ATP13A4: variants seen among roughly 807,000 people sequenced by gnomAD.
ATP13A4 encodes the protein ATPase 13A4, also known as probable cation-transporting ATPase 13A4.
Under a neutral mutation model 142.5 loss-of-function variants are expected in ATP13A4, and 114 were observed. The ratio of observed to expected loss-of-function variants is 0.80; its 90% CI spans 0.69 to 0.93. The LOEUF is 0.93. Among genes scored for constraint, ATP13A4 ranks in the 40% least tolerant of loss-of-function variants. The pLI is 0.00. For missense variants in ATP13A4, 1,392 were observed against 1,454.0 expected (o/e 0.96, Z 0.69); for synonymous variants, 488 against 514.8 (o/e 0.95, Z 0.70).
rs575273664 is a variant in ATP13A4 at position 193,412,754 on chromosome 3, C to G, written c.3015-383G>C. On this transcript the variant is annotated intron_variant, in intron 26 of 29. Transcript: ENST00000342695. Reference sequence around the variant, plus strand: ...GGCTTAATATCTCTGATAATTTGGCCAAGTGTGGTGGCTTACACCTGTAAT... The same window carrying G: ...GGCTTAATATCTCTGATAATTTGGCGAAGTGTGGTGGCTTACACCTGTAAT... Among the ~76,000 whole-genome samples, 7 of 151,900 alleles carry G rather than the reference C, an allele frequency of 4.6e-5. No homozygotes were observed. In the South Asian group the frequency reaches 1.5e-3, roughly 32 times the overall value.
intron 1 of ATP13A4, among the ~76,000 whole-genome samples, chr3:193,532,742 T>C (rs1252954419): frequency 6.6e-6 from 1 of 152,210 alleles, no homozygotes; most frequent in Admixed American, 6.5e-5. Flanking sequence ...ATGAAAATTC[T>C]GTAGATATTT....
intron 13 of ATP13A4, among the ~76,000 whole-genome samples, 166 bp from the exon 14 acceptor site, chr3:193,459,397 A>G (rs541894087): frequency 1.3e-5 from 2 of 152,184 alleles, no homozygotes; most frequent in Non-Finnish European, 1.5e-5. Flanking sequence ...CAGCCAAGTA[A>G]GTTCACTGAG....
chr3:193,489,923 T>C, intron 6 of ATP13A4, 59 bp from the exon 7 acceptor site: 1 of 1,537,596 alleles, frequency 6.5e-7, no homozygotes, highest in Non-Finnish European at 9.0e-7. Flanking sequence ...ACTCTGCTCT[T>C]CATTTACTTG....
intron 27 of ATP13A4, among the ~76,000 whole-genome samples, chr3:193,411,539 T>G (rs779810868): frequency 1.3e-5 from 2 of 151,774 alleles, no homozygotes; most frequent in Non-Finnish European, 2.9e-5. Flanking sequence ...AACAAATAAA[T>G]TTTTATGAAA....
chr3:193,535,024 C>T (rs1454323137), intron 1 of ATP13A4, among the ~76,000 whole-genome samples: 1 of 152,108 alleles, frequency 6.6e-6, no homozygotes. Flanking sequence ...TTTGAATGAC[C>T]TGCCTCAGCC....
chr3:193,459,595 G>A lies in ATP13A4; in HGVS notation c.1524-364C>T, dbSNP rs1717835751. On this transcript the variant is annotated intron_variant, in intron 13 of 29. Transcript: ENST00000342695. ...TGGAATTACAGGCAGCCACCACCAT[G>A]TCAGGCTAATTTTTTGTATTTTTAG... 1.3e-5 allele frequency among the ~76,000 whole-genome samples: 2 copies of A among 152,108 alleles called. 1 individual carries two copies. The highest frequency in any genetic ancestry group is 4.8e-5 in the African/African-American group (2 of 41,412).
rs1220688977 is a variant in ATP13A4 at position 193,400,717 on chromosome 3, T to C, written c.*1935A>G. Among the ~76,000 whole-genome samples, 2 of 31,390 alleles carry C rather than the reference T, an allele frequency of 6.4e-5. No homozygotes were observed. Among genetic ancestry groups the C allele is most frequent in the African/African-American group, 1.1e-4 (1 of 8,806 alleles). 20.6% of individuals were successfully genotyped at this position (31,390 alleles called of 152,430 possible). ...CCTTCCTTGTTCAGTCATGGGACAA[T>C]TGGTACCATTCAGGTGAGTTAGTGG... On this transcript the variant is annotated 3_prime_UTR_variant, in exon 30 of 30. Coordinates refer to ENST00000342695, the MANE Select transcript of ATP13A4 (RefSeq NM_032279.4).
chr3:193,463,424 T>TA (rs11336311), intron 12 of ATP13A4, among the ~76,000 whole-genome samples: 2,701 of 95,900 alleles, frequency 0.028, 49 homozygotes, highest in African/African-American at 0.065. Flanking sequence ...TGCTATTTGG[T>TA]AAAAAAAAAA....
chr3:193,587,557 G>C (rs1051354510), intron 1 of ATP13A4, among the ~76,000 whole-genome samples: 2 of 152,094 alleles, frequency 1.3e-5, no homozygotes, highest in Non-Finnish European at 2.9e-5. Context: ...AAGTTCCAAG[G>C]ATTAAGATCT....
At chr3:193,574,792 A>G (rs1724359296) in intron 2 of ATP13A4, among the ~76,000 whole-genome samples, 1 of 152,186 alleles carries the variant, frequency 6.6e-6, no homozygotes, top group Non-Finnish European at 1.5e-5. Flanking sequence ...TGTGTTGAAA[A>G]GGAGTGTGTG....
intron 2 of ATP13A4, among the ~76,000 whole-genome samples, chr3:193,570,252 G>T (rs186612181): frequency 3.4e-4 from 52 of 152,312 alleles, no homozygotes; most frequent in African/African-American, 7.0e-4. Context: ...GGTCGAGGCT[G>T]CAGTGAGCTG....
At chr3:193,526,304 T>C (rs1416322331) in intron 1 of ATP13A4, among the ~76,000 whole-genome samples, 2 of 152,094 alleles carry the variant, frequency 1.3e-5, no homozygotes, top group African/African-American at 2.4e-5. Context: ...GGCAGGGACA[T>C]GGATAAAGCT....
intron 25 of ATP13A4, among the ~76,000 whole-genome samples, chr3:193,425,868 T>A (rs1715633360): frequency 6.6e-6 from 1 of 151,684 alleles, no homozygotes; most frequent in South Asian, 2.1e-4. Flanking sequence ...AAAAGAGAAT[T>A]CTGAATGTTC....
intron 2 of ATP13A4, among the ~76,000 whole-genome samples, chr3:193,576,253 T>TG (rs1300161819): frequency 1.0e-5 from 1 of 96,344 alleles, no homozygotes; most frequent in East Asian, 3.1e-4. Context: ...ATCAATCTTT[T>TG]TTTTTTTTTT....
chr3:193,450,696 C>G (rs745670984), intron 17 of ATP13A4, among the ~76,000 whole-genome samples: 1 of 152,156 alleles, frequency 6.6e-6, no homozygotes, highest in Non-Finnish European at 1.5e-5. Flanking sequence ...TAGAATGAAC[C>G]TCTATGGCAG....
chr3:193,405,588 T>C (rs1173440285), intron 29 of ATP13A4, among the ~76,000 whole-genome samples: 1 of 152,028 alleles, frequency 6.6e-6, no homozygotes, highest in East Asian at 1.9e-4. Context: ...TGCACAAACA[T>C]GAAAGACCAC....
In ATP13A4 at chr3:193,553,810, T is replaced by C. The variant is rs184949873; in HGVS notation, c.60+930A>G. ...GAAAGACCAGTTTAGGAACAAAGAATGTAATAGTCAGGGCTAAAGCAATTA... is the reference window on the plus strand; with the variant it reads ...GAAAGACCAGTTTAGGAACAAAGAACGTAATAGTCAGGGCTAAAGCAATTA... On this transcript the variant is annotated intron_variant, in intron 1 of 29. Coordinates refer to ENST00000342695, the MANE Select transcript of ATP13A4 (RefSeq NM_032279.4). The C allele has an allele frequency of 2.0e-5, 3 of 152,350 alleles. No homozygotes were observed. In the East Asian group the frequency reaches 5.8e-4, roughly 29 times the overall value. 9.4% of individuals were successfully genotyped at this position (152,350 alleles called of 1,614,324 possible). A position where few individuals can be genotyped will look rare whatever the true frequency, so the allele number is the denominator to read the frequency against.
At chr3:193,458,948 G>A in intron 14 of ATP13A4, 133 bp downstream of exon 14, 2 of 1,226,882 alleles carry the variant, frequency 1.6e-6, no homozygotes, top group Non-Finnish European at 2.4e-6. Flanking sequence ...CCTTAGATTG[G>A]TTTGCCCTTC....
At chr3:193,533,333 T>C (rs1410888932) in intron 1 of ATP13A4, among the ~76,000 whole-genome samples, 1 of 152,060 alleles carries the variant, frequency 6.6e-6, no homozygotes, top group Non-Finnish European at 1.5e-5. Flanking sequence ...GGATTTTATA[T>C]AGAAAACAAA....
Sources: allele counts gnomAD v4.1 joint callset (sites outside exome capture counted in the v4.1 genomes callset), GRCh38; gene constraint gnomAD v4.1.1; transcripts MANE v1.5; gene names NCBI Gene and HGNC (gene_info 2026-07-23, HGNC 2026-07-21).